TP53BP2: variants seen among roughly 807,000 people sequenced by gnomAD.
TP53BP2 encodes tumor protein p53 binding protein 2, also known as apoptosis-stimulating of p53 protein 2.
TP53BP2 carries 62 observed loss-of-function variants against 126.2 expected under a neutral mutation model. The ratio of observed to expected loss-of-function variants is 0.49; its 90% confidence interval spans 0.40 to 0.61. TP53BP2 has a LOEUF of 0.61. TP53BP2 is among the 20% of genes least tolerant of loss of function. The probability of loss-of-function intolerance (pLI) is 0.00; values close to 1 mark genes in which losing one functional copy is unlikely to be tolerated. For missense variants in TP53BP2, 1,215 were observed against 1,402.8 expected, an observed-to-expected ratio of 0.87 and a Z score of 2.14; for synonymous variants, 485 against 502.9, an observed-to-expected ratio of 0.96 and a Z score of 0.48.
chr1:223,819,310 C>T (rs1195639761), intron 2 of TP53BP2, among the ~76,000 whole-genome samples: 1 of 151,996 alleles, frequency 6.6e-6, no homozygotes, highest in African/African-American at 2.4e-5. Context: ...CAGAGTACAG[C>T]CCTGGCAAAG....
chr1:223,811,621 T>C (rs1399865411), intron 3 of TP53BP2, among the ~76,000 whole-genome samples: 1 of 152,206 alleles, frequency 6.6e-6, no homozygotes, highest in South Asian at 2.1e-4. Context: ...GTATCATCAG[T>C]TACCTAATTA....
At chr1:223,797,774 T>C (rs530101004) in intron 12 of TP53BP2, among the ~76,000 whole-genome samples, 8 of 145,750 alleles carry the variant, frequency 5.5e-5, no homozygotes, top group Non-Finnish European at 1.1e-4. Context: ...TATATATATG[T>C]GTGTGATGTG....
intron 1 of TP53BP2, among the ~76,000 whole-genome samples, chr1:223,837,219 G>C (rs1240560487): frequency 6.6e-6 from 1 of 151,776 alleles, no homozygotes; most frequent in African/African-American, 2.4e-5. Flanking sequence ...GAGCACTCTG[G>C]TCATGTGGTC....
intron 2 of TP53BP2, among the ~76,000 whole-genome samples, chr1:223,814,784 T>A (rs1363245061): frequency 6.6e-6 from 1 of 151,830 alleles, no homozygotes; most frequent in Non-Finnish European, 1.5e-5. Context: ...CTTTTTTTTT[T>A]AATTGTAGTT....
intron 1 of TP53BP2, among the ~76,000 whole-genome samples, 188 bp downstream of exon 1, chr1:223,845,466 G>A (rs1251422900): frequency 6.6e-6 from 1 of 152,156 alleles, no homozygotes; most frequent in Admixed American, 6.5e-5. Context: ...CGACGGCTGT[G>A]GGCGCAGAGC....
chr1:223,845,814 G>T lies in TP53BP2; in HGVS notation c.-134C>A. 2.5e-6 allele frequency: 2 copies of T among 811,056 alleles called. No individual in the cohort carries two copies. Among genetic ancestry groups the T allele is most frequent in the Non-Finnish European group, 3.3e-6 (2 of 610,004 alleles). The allele number at this position is 811,056 out of a possible 1,614,324, so 50.2% of individuals were successfully genotyped here. A position where few individuals can be genotyped will look rare whatever the true frequency, so the allele number is the denominator to read the frequency against. ...GGCGGCGGCGGCAGCGGCGGCGCGCGGGTCCGAAGGGCCCTCCGCGCGGGC... is the reference window on the plus strand; with the variant it reads ...GGCGGCGGCGGCAGCGGCGGCGCGCTGGTCCGAAGGGCCCTCCGCGCGGGC... On this transcript the variant is annotated 5_prime_UTR_variant, in exon 1 of 18. Coordinates refer to ENST00000343537, the MANE Select transcript of TP53BP2 (RefSeq NM_001031685.3).
chr1:223,782,064 C>G (rs1661795025), intron 17 of TP53BP2, among the ~76,000 whole-genome samples: 1 of 152,106 alleles, frequency 6.6e-6, no homozygotes. Context: ...TTAAATAATT[C>G]AAAAGATCTA....
intron 10 of TP53BP2, 132 bp downstream of exon 10, chr1:223,800,568 G>C (rs1192772087): frequency 1.6e-6 from 1 of 625,852 alleles, no homozygotes; most frequent in Non-Finnish European, 2.7e-6. Context: ...TGGATGACAA[G>C]AGTGAGATCC....
intron 1 of TP53BP2, 69 bp from the exon 2 acceptor site, chr1:223,821,436 C>T (rs1378303341): frequency 6.3e-7 from 1 of 1,599,188 alleles, no homozygotes; most frequent in Admixed American, 1.7e-5. Flanking sequence ...CCTTAAATTC[C>T]TTTCTCCAAA....
At chr1:223,814,449 A>G (rs771583380) in intron 2 of TP53BP2, 96 bp from the exon 3 acceptor site, 33 of 864,634 alleles carry the variant, frequency 3.8e-5, no homozygotes, top group Middle Eastern at 5.5e-4. Flanking sequence ...TACATTATGG[A>G]TACAACAAAT....
At position 223,845,789 on chromosome 1, in the gene TP53BP2, G is replaced by GGCGGCGGCGGCA. The variant is rs1263600270; in HGVS notation, c.-121_-110dup. 9.8e-6 allele frequency: 11 copies of GGCGGCGGCGGCA among 1,120,372 alleles called. No individual in the cohort carries two copies. The highest frequency in any genetic ancestry group is 3.5e-5 in the East Asian group (1 of 28,614). 69.4% of individuals were successfully genotyped at this position (1,120,372 alleles called of 1,614,324 possible). A position where few individuals can be genotyped will look rare whatever the true frequency, so the allele number is the denominator to read the frequency against. Reference sequence around the variant, plus strand: ...AGGCCGCCCGGACCTGTTGCGAGGCGGCGGCGGCGGCAGCGGCGGCGCGCG... The same window carrying GGCGGCGGCGGCA: ...AGGCCGCCCGGACCTGTTGCGAGGCGGCGGCGGCGGCAGCGGCGGCGGCAGCGGCGGCGCGCG... On this transcript the variant is annotated 5_prime_UTR_variant, in exon 1 of 18. Transcript: ENST00000343537.
At chr1:223,801,839 G>A (rs1231340724) in intron 9 of TP53BP2, 1 of 246,340 alleles carries the variant, frequency 4.1e-6, no homozygotes, top group African/African-American at 2.3e-5. Context: ...GTAACAATAA[G>A]GAACTTTTTA....
chr1:223,818,553 T>C (rs564081560), intron 2 of TP53BP2, among the ~76,000 whole-genome samples: 2 of 149,392 alleles, frequency 1.3e-5, no homozygotes, highest in African/African-American at 2.5e-5. Flanking sequence ...CTAGAACACA[T>C]ATCGGTGTTA....
At chr1:223,844,454 A>G (rs1324941649) in intron 1 of TP53BP2, among the ~76,000 whole-genome samples, 3 of 152,240 alleles carry the variant, frequency 2.0e-5, no homozygotes, top group African/African-American at 7.2e-5. Flanking sequence ...GGAAATAAAA[A>G]TCTTAACAGC....
chr1:223,832,877 CAGCTTG>C (rs1663788825), intron 1 of TP53BP2, among the ~76,000 whole-genome samples: 1 of 152,184 alleles, frequency 6.6e-6, no homozygotes, highest in South Asian at 2.1e-4. Flanking sequence ...TCCACTACCC[CAGCTTG>C]AGCTTGAGCT....
intron 11 of TP53BP2, among the ~76,000 whole-genome samples, 156 bp from the exon 12 acceptor site, chr1:223,798,833 A>T (rs918378335): frequency 2.0e-5 from 3 of 152,096 alleles, no homozygotes; most frequent in African/African-American, 7.2e-5. Flanking sequence ...GCACTTTGGG[A>T]GGCCAAAGCA....
Position 223,816,870 on chromosome 1 carries a change from T to TGTGGC in TP53BP2, c.176-2522_176-2518dup, listed in dbSNP as rs1299871231. 2.7e-5 allele frequency among the ~76,000 whole-genome samples: 4 copies of TGTGGC among 147,202 alleles called. No homozygotes were observed. The East Asian group carries it at 7.9e-4, about 29-fold the overall frequency. ...TACACATTAAAAAAAAAAAAAAATG[T>TGTGGC]GTGGCCTGGCCAGGCACAGTGGCTC... On this transcript the variant is annotated intron_variant, in intron 2 of 17. Transcript: ENST00000343537.
At chr1:223,789,888 A>G (rs562931605) in intron 15 of TP53BP2, among the ~76,000 whole-genome samples, 2 of 152,314 alleles carry the variant, frequency 1.3e-5, no homozygotes, top group South Asian at 4.1e-4. Context: ...GTCCAAACTC[A>G]GAAGTTGAGT....
At chr1:223,832,104 CATTT>C (rs1663755856) in intron 1 of TP53BP2, among the ~76,000 whole-genome samples, 1 of 151,686 alleles carries the variant, frequency 6.6e-6, no homozygotes, top group Admixed American at 6.6e-5. Flanking sequence ...AACATTTATT[CATTT>C]GATTCAGAAA....
Sources: gnomAD v4.1 joint callset for allele counts (sites outside exome capture counted in the v4.1 genomes callset) on GRCh38, gnomAD v4.1.1 for gene constraint, MANE v1.5 for transcripts, NCBI Gene and HGNC (gene_info 2026-07-23, HGNC 2026-07-21) for gene names.